The following EPB41L3 variants were observed in gnomAD, a reference collection of about 807,000 sequenced individuals.
EPB41L3 encodes the protein band 4.1-like protein 3.
In EPB41L3, 57 loss-of-function variants were observed where a neutral mutation model predicts 127.1. The ratio of observed to expected loss-of-function variants is 0.45; its 90% CI spans 0.36 to 0.56. EPB41L3 has a LOEUF of 0.56. EPB41L3 is among the 20% of genes least tolerant of loss of function. The probability of loss-of-function intolerance (pLI) is 0.00; values close to 1 mark genes in which losing one functional copy is unlikely to be tolerated. For missense variants in EPB41L3, 1,273 were observed against 1,372.2 expected, an observed-to-expected ratio of 0.93 and a Z score of 1.14; for synonymous variants, 572 against 549.5, an observed-to-expected ratio of 1.04 and a Z score of -0.57.
At position 5,620,990 on chromosome 18, in the gene EPB41L3, C is replaced by A. The variant is rs1158499280; in HGVS notation, c.-467-6567G>T. Among the ~76,000 whole-genome samples, 4 of 152,252 alleles carry A rather than the reference C, an allele frequency of 2.6e-5. No individual in the cohort carries two copies. The South Asian group carries it at 6.2e-4, about 24-fold the overall frequency. On this transcript the variant is annotated intron_variant, in intron 1 of 21. Transcript: ENST00000545076. ...ATTTCTTGAGCTTACAAGTTGGTAA[C>A]CCTTGTCTAAACATTTACATATGCC...
chr18:5,419,636 G>T, intron 12 of EPB41L3, 75 bp downstream of exon 12: 3 of 1,584,378 alleles, frequency 1.9e-6, no homozygotes, highest in Non-Finnish European at 2.6e-6. Flanking sequence ...GCACATTCCT[G>T]GTTTACAGCC....
At chr18:5,550,108 A>G (rs1015645474) in intron 3 of EPB41L3, among the ~76,000 whole-genome samples, 3 of 152,202 alleles carry the variant, frequency 2.0e-5, no homozygotes, top group Admixed American at 2.0e-4. Context: ...TTAATTTCCA[A>G]GTTTTTACAA....
In EPB41L3 at chr18:5,397,022, AT is replaced by A; in HGVS notation, c.2841+35del. ...TTTCCAGGCATCCTATATCAGTTTT[AT>A]TTTAGTGATAAAAGTAACATTTACT... is the stretch of plus-strand genomic sequence containing the variant. On this transcript the variant is annotated intron_variant, in intron 18 of 22. Transcript: ENST00000341928. The surrounding 1 kb of genome is among the most constrained non-coding windows in gnomAD (Gnocchi z 4.1). 2 of 1,515,540 alleles carry A rather than the reference AT, an allele frequency of 1.3e-6. No individual in the cohort carries two copies. 93.9% of individuals were successfully genotyped at this position (1,515,540 alleles called of 1,614,324 possible).
At chr18:5,440,947 G>C (rs1459607153) in intron 5 of EPB41L3, among the ~76,000 whole-genome samples, 1 of 152,110 alleles carries the variant, frequency 6.6e-6, no homozygotes, top group African/African-American at 2.4e-5. Context: ...CACAATCACA[G>C]CTCACTGCAG....
intron 19 of EPB41L3, 109 bp downstream of exon 19, chr18:5,396,092 G>A (rs1281310824): frequency 1.4e-5 from 19 of 1,338,618 alleles, no homozygotes; most frequent in Non-Finnish European, 1.5e-5. Flanking sequence ...CTGGCTGCTG[G>A]ATCCTCTAAG....
At chr18:5,544,214 T>C (rs1203629406), upstream of EPB41L3, 1 of 985,554 alleles carries the variant, frequency 1.0e-6, no homozygotes, top group African/African-American at 1.7e-5. Context: ...TCCTCCGTCC[T>C]GGCGCAGGGT....
At chr18:5,438,637 G>C (rs552097615) in intron 5 of EPB41L3, among the ~76,000 whole-genome samples, 1 of 152,322 alleles carries the variant, frequency 6.6e-6, no homozygotes, top group East Asian at 1.9e-4. Flanking sequence ...TCTAGTAAGT[G>C]GGCTGCTCTG....
At chr18:5,562,807 T>C (rs2094150827) in intron 3 of EPB41L3, among the ~76,000 whole-genome samples, 1 of 152,212 alleles carries the variant, frequency 6.6e-6, no homozygotes. Flanking sequence ...ATCAGAGCCC[T>C]CTGATACTTT....
intron 1 of EPB41L3, among the ~76,000 whole-genome samples, chr18:5,528,223 C>T (rs2093297660): frequency 6.6e-6 from 1 of 152,132 alleles, no homozygotes. Context: ...GCGTGGAGTG[C>T]AGTGGTGCAA....
rs370717420 is a variant in EPB41L3, at chr18:5,541,252, C to CAAAAAAAAAAAAAAAAAAAA, written c.-12+2641_-12+2660dup. 4.3e-5 allele frequency among the ~76,000 whole-genome samples: 2 copies of CAAAAAAAAAAAAAAAAAAAA among 46,760 alleles called. 1 individual carries two copies. The highest frequency in any genetic ancestry group is 2.2e-4 in the African/African-American group (2 of 9,084). 30.7% of individuals were successfully genotyped at this position (46,760 alleles called of 152,430 possible). A position where few individuals can be genotyped will look rare whatever the true frequency, so the allele number is the denominator to read the frequency against. On this transcript the variant is annotated intron_variant, in intron 1 of 22. Coordinates refer to ENST00000341928, the MANE Select transcript of EPB41L3 (RefSeq NM_012307.5). ...TGGGTGACACAGAAGGACTCCATCT[C>CAAAAAAAAAAAAAAAAAAAA]AAAAAAAAAAAAAAAAAAAAAAAAA... is the stretch of plus-strand genomic sequence containing the variant.
intron 1 of EPB41L3, among the ~76,000 whole-genome samples, chr18:5,494,776 C>G (rs1288616204): frequency 6.6e-6 from 1 of 151,664 alleles, no homozygotes; most frequent in Non-Finnish European, 1.5e-5. Flanking sequence ...CACTTACTTG[C>G]GTGAGGTTAC....
intron 5 of EPB41L3, 103 bp from the exon 6 acceptor site, chr18:5,438,213 T>A: frequency 1.0e-6 from 1 of 983,072 alleles, no homozygotes; most frequent in Non-Finnish European, 1.5e-6. Context: ...CCCAGGCAAC[T>A]TTTGACCATT....
chr18:5,397,489 T>A lies in EPB41L3; in HGVS notation c.2473-63A>T. ...CATAAACCAAAGGTCAGAAAATAAC[T>A]AAAGCTGCCACTCGCCAGGATGTCT... On this transcript the variant is annotated intron_variant, in intron 17 of 22. Transcript: ENST00000341928. This position sits in a 1 kb window ranked among gnomAD's most constrained non-coding sequence, Gnocchi z 4.1. 1.3e-6 allele frequency: 2 copies of A among 1,512,900 alleles called. No individual in the cohort carries two copies. 93.7% of individuals were successfully genotyped at this position (1,512,900 alleles called of 1,614,324 possible).
intron 1 of EPB41L3, among the ~76,000 whole-genome samples, chr18:5,627,843 A>T (rs1432582212): frequency 6.6e-6 from 1 of 152,222 alleles, no homozygotes; most frequent in Non-Finnish European, 1.5e-5. Flanking sequence ...TCTGCTCCTC[A>T]GTACTGAGAA....
intron 1 of EPB41L3, among the ~76,000 whole-genome samples, chr18:5,616,186 C>T (rs184944712): frequency 1.4e-4 from 21 of 152,206 alleles, no homozygotes; most frequent in Non-Finnish European, 2.1e-4. Flanking sequence ...ACAGCCCGCC[C>T]GTGAATCACT....
intron 3 of EPB41L3, among the ~76,000 whole-genome samples, chr18:5,581,610 A>T (rs2094394301): frequency 6.6e-6 from 1 of 152,218 alleles, no homozygotes; most frequent in Non-Finnish European, 1.5e-5. Flanking sequence ...GGTGAATGTG[A>T]GCCTTCTCCA....
At chr18:5,620,734 C>A (rs2094851335) in intron 1 of EPB41L3, among the ~76,000 whole-genome samples, 1 of 152,012 alleles carries the variant, frequency 6.6e-6, no homozygotes, top group Non-Finnish European at 1.5e-5. Flanking sequence ...TTTTGATATT[C>A]CAATATCTAA....
intron 3 of EPB41L3, among the ~76,000 whole-genome samples, chr18:5,566,318 A>G (rs1211114163): frequency 6.6e-6 from 1 of 152,168 alleles, no homozygotes; most frequent in African/African-American, 2.4e-5. Context: ...TTATACACCA[A>G]TAACAAACAG....
chr18:5,558,761 C>T (rs1389920599), intron 3 of EPB41L3, among the ~76,000 whole-genome samples: 1 of 152,220 alleles, frequency 6.6e-6, no homozygotes, highest in Non-Finnish European at 1.5e-5. Context: ...TTGTGCCTAA[C>T]ACATAGTAGG....
Sources: gnomAD v4.1 joint callset for allele counts (sites outside exome capture counted in the v4.1 genomes callset) on GRCh38, gnomAD v4.1.1 for gene constraint, Gnocchi (gnomAD v3.1) non-coding constraint, MANE v1.5 for transcripts, NCBI Gene and HGNC (gene_info 2026-07-23, HGNC 2026-07-21) for gene names.